CES2: variants seen among roughly 807,000 people sequenced by gnomAD.
The protein encoded by CES2 is carboxylesterase 2, also known as cocaine esterase.
In CES2, 42 loss-of-function variants were observed where a neutral mutation model predicts 52.1. The ratio of observed to expected loss-of-function variants is 0.81; its 90% CI spans 0.63 to 1.04. The LOEUF (loss-of-function observed/expected upper bound fraction) is 1.04, where lower values mean the gene tolerates loss of function less well. Ranked by LOEUF, CES2 falls within the 50% of genes least tolerant of loss-of-function variation. The pLI, the probability that CES2 is intolerant of heterozygous loss-of-function variation, is 0.00. For missense variants in CES2, 656 were observed against 724.3 expected, an observed-to-expected ratio of 0.91 and a Z score of 1.08; for synonymous variants, 277 against 289.6, an observed-to-expected ratio of 0.96 and a Z score of 0.44.
chr16:66,937,165 C>G (rs1331669708), intron 1 of CES2, among the ~76,000 whole-genome samples: 1 of 152,040 alleles, frequency 6.6e-6, no homozygotes, highest in Non-Finnish European at 1.5e-5. Flanking sequence ...CAACAGATGG[C>G]GACCTTGTCT....
intron 5 of CES2, 121 bp downstream of exon 5, chr16:66,940,816 A>G: frequency 3.1e-6 from 4 of 1,303,236 alleles, no homozygotes; most frequent in East Asian, 2.5e-5. Flanking sequence ...GCTGCTGCCT[A>G]CCGTGGAATT....
At chr16:66,935,412 G>A (rs780466924), upstream of CES2, 3 of 1,548,152 alleles carry the variant, frequency 1.9e-6, no homozygotes, top group South Asian at 3.6e-5. Context: ...GGCCGTGCCC[G>A]GGCCTGCCTA....
Position 66,940,545 on chromosome 16 carries a change from C to T in CES2, c.666C>T (p.Val222=). 1 of 1,614,172 alleles carries T rather than the reference C, an allele frequency of 6.2e-7. No homozygotes were observed. The highest frequency in any genetic ancestry group is 8.5e-7 in the Non-Finnish European group (1 of 1,180,034). Residue 222 remains valine (V), a synonymous_variant, in exon 5 of 12, where the codon GTC becomes GTT. Transcript: ENST00000317091. ...IAHFGGNPDR[V]TIFGESAGGT... ...ACTTTGGAGGCAACCCTGACCGTGTCACCATTTTTGGCGAGTCTGCGGGTG... is the reference window on the plus strand; with the variant it reads ...ACTTTGGAGGCAACCCTGACCGTGTTACCATTTTTGGCGAGTCTGCGGGTG...
intron 1 of CES2, among the ~76,000 whole-genome samples, chr16:66,937,523 G>T (rs1366997268): frequency 6.6e-6 from 1 of 152,094 alleles, no homozygotes; most frequent in Non-Finnish European, 1.5e-5. Flanking sequence ...TGATTTTTTT[G>T]CAGAGACAGA....
Position 66,935,627 on chromosome 16 carries a change from G to T in CES2, c.-9G>T. On this transcript the variant is annotated 5_prime_UTR_variant, in exon 1 of 12. Transcript: ENST00000317091. ...CCGCCGGCAGCGAACCGAGACCAGC[G>T]AGCCGACCATGCGGCTGCACAGACT... The T allele has an allele frequency of 3.1e-6, 5 of 1,607,172 alleles. No individual in the cohort carries two copies. Among genetic ancestry groups the T allele is most frequent in the Middle Eastern group, 1.6e-4 (1 of 6,062 alleles).
rs1197490925 is a variant in CES2, at chr16:66,943,314, A to T, written c.1436A>T (p.Glu479Val). Residue 479 changes from glutamate to valine, a missense_variant, in exon 11 of 12, where the codon GAA becomes GTA. Physicochemically the swap from Glu to Val is moderately radical, Grantham distance 121. Transcript: ENST00000317091. This position sits in a 1 kb window ranked among gnomAD's most constrained non-coding sequence, Gnocchi z 4.2. ...FGGNYIKFTE[E>V]EEQLSRKMMK... ...CTCTTGGCAGTTAAATTCACTGAGGAAGAGGAGCAGCTAAGCAGGAAGATG... is the reference window on the plus strand; with the variant it reads ...CTCTTGGCAGTTAAATTCACTGAGGTAGAGGAGCAGCTAAGCAGGAAGATG... The T allele has an allele frequency of 1.2e-6, 2 of 1,613,934 alleles. No individual in the cohort carries two copies. The highest frequency in any genetic ancestry group is 1.7e-6 in the Non-Finnish European group (2 of 1,179,982).
At chr16:66,938,275 C>T (rs748472520) in intron 2 of CES2, 34 bp downstream of exon 2, 1 of 1,522,178 alleles carries the variant, frequency 6.6e-7, no homozygotes, top group South Asian at 1.1e-5. Context: ...GAACTCCAGG[C>T]CCTGGGGCAG....
At chr16:66,939,140 T>G in intron 2 of CES2, 77 bp from the exon 3 acceptor site, 1 of 1,292,266 alleles carries the variant, frequency 7.7e-7, no homozygotes, top group Non-Finnish European at 1.1e-6. Context: ...TGAGGGTGGC[T>G]GGGAGCACCT....
At chr16:66,942,524 TG>T in intron 9 of CES2, 123 bp from the exon 10 acceptor site, 2 of 1,105,420 alleles carry the variant, frequency 1.8e-6, no homozygotes, top group Non-Finnish European at 1.3e-6. Flanking sequence ...TGCCCCAGCC[TG>T]GGGCTCCACA....
chr16:66,944,673 C>T lies in CES2; in HGVS notation c.*648C>T, dbSNP rs1963449848. The T allele has an allele frequency of 6.6e-6, 1 of 152,214 alleles. No homozygotes were observed. The highest frequency in any genetic ancestry group is 6.5e-5 in the Admixed American group (1 of 15,274). 9.4% of individuals were successfully genotyped at this position (152,214 alleles called of 1,614,324 possible). On this transcript the variant is annotated 3_prime_UTR_variant, in exon 12 of 12. Transcript: ENST00000317091. ...GCTGAGGCAGGAGAATTACTTGAAC[C>T]TGGGAGGCAGAGGTTGCAGTGAGCT...
chr16:66,941,994 C>A, intron 8 of CES2, 111 bp from the exon 9 acceptor site: 1 of 1,514,194 alleles, frequency 6.6e-7, no homozygotes, highest in Non-Finnish European at 9.0e-7. Flanking sequence ...GGGGTCACCT[C>A]AGAGCCTCGC....
chr16:66,941,193 A>G lies in CES2; in HGVS notation c.886A>G (p.Ser296Gly). 1.2e-6 allele frequency: 2 copies of G among 1,614,132 alleles called. No homozygotes were observed. Among genetic ancestry groups the G allele is most frequent in the South Asian group, 1.1e-5 (1 of 91,074 alleles). ...CCTGGTGGGCTGCCTGCGGGGCAAG[A>G]GTAAAGAGGAGATTCTTGCAATTAA... ...EALVGCLRGK[S>G]KEEILAINKP... is the part of the protein sequence containing the mutation. The change falls in exon 6 of 12, where the codon AGT becomes GGT. Residue 296 changes from serine (S) to glycine (G), a missense_variant. Physicochemically the swap from Ser to Gly is moderately conservative, Grantham distance 56. Coordinates refer to ENST00000317091, the MANE Select transcript of CES2 (RefSeq NM_001365405.1).
rs531474793 is a variant in CES2 at position 66,944,716 on chromosome 16, C to T, written c.*691C>T. 1 of 152,346 alleles carries T rather than the reference C, an allele frequency of 6.6e-6. No individual in the cohort carries two copies. Among genetic ancestry groups the T allele is most frequent in the Non-Finnish European group, 1.5e-5 (1 of 68,052 alleles). The allele number at this position is 152,346 out of a possible 1,614,324, so 9.4% of individuals were successfully genotyped here. On this transcript the variant is annotated 3_prime_UTR_variant, in exon 12 of 12. Coordinates refer to ENST00000317091, the MANE Select transcript of CES2 (RefSeq NM_001365405.1). The stretch of plus-strand genomic sequence containing the variant: ...AGTGAGCTGAGATTGTGCCACTGTA[C>T]TCCAGCCTGGGCAACAAGAGCGAGA...
chr16:66,942,283 G>T, intron 9 of CES2, 34 bp downstream of exon 9: 1 of 1,582,234 alleles, frequency 6.3e-7, no homozygotes, highest in Non-Finnish European at 8.6e-7. Flanking sequence ...TGGCGGGCAG[G>T]GTACAGCTCA....
At position 66,941,126 on chromosome 16, in the gene CES2, G is replaced by A; in HGVS notation, c.819G>A (p.Val273=). Reference sequence around the variant, plus strand: ...GCCCCTGCCTGGTCCCTTTACAGGTGGTGGCCAACCTGTCTGCCTGTGACC... The same window carrying A: ...GCCCCTGCCTGGTCCCTTTACAGGTAGTGGCCAACCTGTCTGCCTGTGACC... The part of the protein sequence containing the change: ...IASSADVIST[V]VANLSACDQV... Residue 273 remains valine, a splice_region_variant and synonymous_variant, in exon 6 of 12, where the codon GTG becomes GTA. Coordinates refer to ENST00000317091, the MANE Select transcript of CES2 (RefSeq NM_001365405.1). 1.2e-6 allele frequency: 2 copies of A among 1,614,000 alleles called. No individual in the cohort carries two copies. The highest frequency in any genetic ancestry group is 1.7e-6 in the Non-Finnish European group (2 of 1,179,980).
chr16:66,943,903 C>G lies in CES2; in HGVS notation c.1558C>G (p.Leu520Val), dbSNP rs1963422889. ...LFDQEEQYLQ[L>V]NLQPAVGRAL... ...CGACCAGGAGGAGCAATACCTGCAG[C>G]TGAACCTACAGCCTGCGGTGGGCCG... is the stretch of plus-strand genomic sequence containing the variant. The change falls in exon 12 of 12, where the codon CTG becomes GTG. Residue 520 changes from leucine (L) to valine (V), a missense_variant. Physicochemically the swap from Leu to Val is conservative, Grantham distance 32. Transcript: ENST00000317091. This position sits in a 1 kb window ranked among gnomAD's most constrained non-coding sequence, Gnocchi z 4.2. 2 of 1,610,322 alleles carry G rather than the reference C, an allele frequency of 1.2e-6. No individual in the cohort carries two copies. Among genetic ancestry groups the G allele is most frequent in the South Asian group, 2.2e-5 (2 of 90,726 alleles).
In CES2 at chr16:66,941,814, C is replaced by G. The variant is rs1364927906; in HGVS notation, c.1103C>G (p.Ser368Cys). 6.2e-7 allele frequency: 1 copy of G among 1,614,156 alleles called. No homozygotes were observed. The highest frequency in any genetic ancestry group is 1.7e-5 in the Admixed American group (1 of 60,024). Residue 368 changes from serine to cysteine, a missense_variant, in exon 8 of 12, where the codon TCC becomes TGC. By Grantham distance (112) the Ser-to-Cys change is moderately radical. Coordinates refer to ENST00000317091, the MANE Select transcript of CES2 (RefSeq NM_001365405.1). ...CAGAAGGAAATGGACAGAGAGGCCT[C>G]CCAGGCTGCTCTGCAGAAAATGTTA... Reference protein sequence around the residue: ...DTQKEMDREASQAALQKMLTL... With the variant: ...DTQKEMDREACQAALQKMLTL...
At position 66,940,249 on chromosome 16, in the gene CES2, C is replaced by A. The variant is rs948763121; in HGVS notation, c.451C>A (p.Leu151Ile). ...PVMVWIHGGA[L>I]VFGMASLYDG... ...GATGGTGTGGATCCACGGTGGTGCG[C>A]TTGTTTTTGGCATGGCTTCCTTGTA... is the stretch of plus-strand genomic sequence containing the variant. The change falls in exon 4 of 12, where the codon CTT becomes ATT. Residue 151 changes from leucine (L) to isoleucine (I), a missense_variant. Coordinates refer to ENST00000317091, the MANE Select transcript of CES2 (RefSeq NM_001365405.1). The A allele has an allele frequency of 6.5e-7, 1 of 1,542,738 alleles. No homozygotes were observed. The highest frequency in any genetic ancestry group is 1.6e-5 in the African/African-American group (1 of 63,830).
Position 66,943,621 on chromosome 16 carries a change from G to C in CES2, c.1494-218G>C. 1 of 583,112 alleles carries C rather than the reference G, an allele frequency of 1.7e-6. No homozygotes were observed. Among genetic ancestry groups the C allele is most frequent in the East Asian group, 2.9e-5 (1 of 35,020 alleles). The allele number at this position is 583,112 out of a possible 1,614,324, so 36.1% of individuals were successfully genotyped here. ...CGTCAGGGCCTCCCTCTCAGAGAGA[G>C]GGACACAACAGAGCTGGCTGCCCTC... is the stretch of plus-strand genomic sequence containing the variant. On this transcript the variant is annotated intron_variant, in intron 11 of 11. Transcript: ENST00000317091. The surrounding 1 kb of genome is among the most constrained non-coding windows in gnomAD (Gnocchi z 4.2).
Sources: gnomAD v4.1 joint callset for allele counts (sites outside exome capture counted in the v4.1 genomes callset) on GRCh38, gnomAD v4.1.1 for gene constraint, Gnocchi (gnomAD v3.1) non-coding constraint, MANE v1.5 for transcripts, NCBI Gene and HGNC (gene_info 2026-07-23, HGNC 2026-07-21) for gene names.